The following GSAP variants were observed in gnomAD, a reference collection of about 807,000 sequenced individuals.
The protein encoded by GSAP is gamma-secretase-activating protein.
A neutral mutation model predicts 131.7 loss-of-function variants in GSAP; 118 were observed. The observed-to-expected ratio is 0.90, with a 90% CI of 0.77 to 1.04. The LOEUF (loss-of-function observed/expected upper bound fraction) is 1.04. GSAP is among the 50% of genes least tolerant of loss of function. The pLI is 0.00. For missense variants in GSAP, 1,019 were observed against 1,013.2 expected (o/e 1.01, Z -0.08); for synonymous variants, 381 against 363.4 (o/e 1.05, Z -0.55).
intron 19 of GSAP, 23 bp from the exon 20 acceptor site, chr7:77,330,390 T>A (rs775080818): frequency 6.2e-7 from 1 of 1,610,636 alleles, no homozygotes. Context: ...AAAACATCAG[T>A]GGCCTTCAGA....
chr7:77,396,795 T>C (rs1800468589), intron 5 of GSAP, among the ~76,000 whole-genome samples, 187 bp downstream of exon 5: 1 of 151,608 alleles, frequency 6.6e-6, no homozygotes, highest in Non-Finnish European at 1.5e-5. Context: ...TTGTCTGTCC[T>C]TTTCTGTTTG....
At chr7:77,370,673 A>C (rs1795983563) in intron 12 of GSAP, among the ~76,000 whole-genome samples, 1 of 151,958 alleles carries the variant, frequency 6.6e-6, no homozygotes, top group South Asian at 2.1e-4. Flanking sequence ...ATATTCCCTA[A>C]ATCCTATTTC....
chr7:77,353,719 A>T, intron 16 of GSAP, 78 bp from the exon 17 acceptor site: 1 of 843,862 alleles, frequency 1.2e-6, no homozygotes, highest in Non-Finnish European at 2.0e-6. Flanking sequence ...ACAAATATAC[A>T]TGAATCTTTT....
At chr7:77,414,496 C>A (rs1225544180) in intron 1 of GSAP, among the ~76,000 whole-genome samples, 1 of 152,116 alleles carries the variant, frequency 6.6e-6, no homozygotes, top group Non-Finnish European at 1.5e-5. Context: ...CAAAATACTA[C>A]CAGTATCAGA....
chr7:77,385,889 C>T (rs984706858), intron 6 of GSAP, among the ~76,000 whole-genome samples: 1 of 152,088 alleles, frequency 6.6e-6, no homozygotes, highest in Non-Finnish European at 1.5e-5. Flanking sequence ...TCTGGCTAGA[C>T]CAAAAGAAAT....
chr7:77,350,373 T>C (rs1452040685), intron 18 of GSAP, among the ~76,000 whole-genome samples: 1 of 149,086 alleles, frequency 6.7e-6, no homozygotes, highest in Non-Finnish European at 1.5e-5. Context: ...TGTATACATA[T>C]GTAACTAACC....
intron 5 of GSAP, among the ~76,000 whole-genome samples, chr7:77,396,579 T>C (rs1229787148): frequency 1.3e-5 from 2 of 152,168 alleles, no homozygotes; most frequent in Non-Finnish European, 2.9e-5. Flanking sequence ...CCTTGGCAAA[T>C]GAGCAGAATT....
In GSAP at chr7:77,337,216, T is replaced by A. The variant is rs1184518964; in HGVS notation, c.1546-6849A>T. Reference sequence around the variant, plus strand: ...CGCCCAAGCTGGAGTGCAGTGGCACTATCTTGGCTCACTACAACCTCCACC... The same window carrying A: ...CGCCCAAGCTGGAGTGCAGTGGCACAATCTTGGCTCACTACAACCTCCACC... On this transcript the variant is annotated intron_variant, in intron 19 of 30. Transcript: ENST00000257626. Among the ~76,000 whole-genome samples the A allele has an allele frequency of 2.7e-5, 4 of 147,518 alleles. No individual in the cohort carries two copies. In the Admixed American group the frequency reaches 2.8e-4, roughly 10 times the overall value.
chr7:77,378,788 G>C (rs1430331148), intron 8 of GSAP, among the ~76,000 whole-genome samples: 2 of 152,272 alleles, frequency 1.3e-5, no homozygotes, highest in South Asian at 4.1e-4. Context: ...TAATTTAACA[G>C]AAGCAGTTAA....
At chr7:77,329,261 G>T in intron 21 of GSAP, 72 bp downstream of exon 21, 1 of 817,010 alleles carries the variant, frequency 1.2e-6, no homozygotes, top group Non-Finnish European at 1.9e-6. Context: ...TTCTATAAAA[G>T]GTAGCCAACA....
At position 77,411,567 on chromosome 7, in the gene GSAP, C is replaced by T. The variant is rs182473832; in HGVS notation, c.109+4646G>A. Among the ~76,000 whole-genome samples the T allele has an allele frequency of 1.6e-3, 239 of 152,250 alleles. 6 individuals are homozygous for T. Among genetic ancestry groups the T allele is most frequent in the Non-Finnish European group, 8.8e-5 (6 of 68,014 alleles). ...AGGATGAAATCTAGCAAAACATGTG[C>T]AGAACCTTCATGGAGAAAATTCTAA... On this transcript the variant is annotated intron_variant, in intron 1 of 30. Transcript: ENST00000257626.
chr7:77,332,716 TC>T (rs1789347953), intron 19 of GSAP, among the ~76,000 whole-genome samples: 1 of 152,154 alleles, frequency 6.6e-6, no homozygotes, highest in Non-Finnish European at 1.5e-5. Context: ...TAGCCAAACA[TC>T]CCAAAAATAT....
At position 77,375,048 on chromosome 7, in the gene GSAP, A is replaced by C. The variant is rs1796653058; in HGVS notation, c.785+10T>G. 1 of 1,361,916 alleles carries C rather than the reference A, an allele frequency of 7.3e-7. No homozygotes were observed. The highest frequency in any genetic ancestry group is 1.0e-6 in the Non-Finnish European group (1 of 960,110). The allele number at this position is 1,361,916 out of a possible 1,614,324, so 84.4% of individuals were successfully genotyped here. ...CTATAAAAATTAGTAACAACCTATG[A>C]ATAACTTACTTAAATCCTGAGTTGC... On this transcript the variant is annotated intron_variant, in intron 11 of 30. Transcript: ENST00000257626.
intron 5 of GSAP, among the ~76,000 whole-genome samples, chr7:77,391,011 T>C (rs1291089884): frequency 7.5e-6 from 1 of 133,232 alleles, no homozygotes; most frequent in African/African-American, 2.9e-5. Flanking sequence ...CACTCATCTG[T>C]AGCTACTCGG....
intron 5 of GSAP, among the ~76,000 whole-genome samples, chr7:77,394,983 C>T (rs6971149): frequency 0.44 from 67,110 of 152,000 alleles, 16,885 homozygotes; most frequent in African/African-American, 0.69. Flanking sequence ...TGCACTGTTT[C>T]TAAAGATGCA....
At chr7:77,375,441 G>A (rs1471895949) in intron 10 of GSAP, among the ~76,000 whole-genome samples, 3 of 152,216 alleles carry the variant, frequency 2.0e-5, no homozygotes, top group Non-Finnish European at 4.4e-5. Flanking sequence ...GACTGAGTAA[G>A]GAAGGAAGGA....
chr7:77,358,645 G>A (rs1035923731), intron 14 of GSAP, among the ~76,000 whole-genome samples: 1 of 152,026 alleles, frequency 6.6e-6, no homozygotes, highest in Non-Finnish European at 1.5e-5. Flanking sequence ...CAAATTCTAT[G>A]AATAAATATT....
chr7:77,381,259 T>C, intron 8 of GSAP, 46 bp downstream of exon 8: 1 of 1,047,826 alleles, frequency 9.5e-7, no homozygotes. Flanking sequence ...TACTTCTTTG[T>C]GGGGAAAAAA....
chr7:77,375,027 A>T (rs1390855108), intron 11 of GSAP, 31 bp downstream of exon 11: 1 of 1,099,178 alleles, frequency 9.1e-7, no homozygotes, highest in African/African-American at 1.6e-5. Flanking sequence ...AAGTATCTAT[A>T]AAAATTAGTA....
Sources: gnomAD v4.1 joint callset for allele counts (sites outside exome capture counted in the v4.1 genomes callset) on GRCh38, gnomAD v4.1.1 for gene constraint, MANE v1.5 for transcripts, NCBI Gene and HGNC (gene_info 2026-07-23, HGNC 2026-07-21) for gene names.